The following TLE3 variants were observed in gnomAD, a reference collection of about 807,000 sequenced individuals.
TLE3 encodes TLE family member 3, transcriptional corepressor, also known as transducin-like enhancer protein 3.
Under a neutral mutation model 93.0 loss-of-function variants are expected in TLE3, and 14 were observed. The observed-to-expected ratio is 0.15, with a 90% CI of 0.10 to 0.24. The LOEUF (loss-of-function observed/expected upper bound fraction) is 0.24, where lower values mean the gene tolerates loss of function less well. Ranked by LOEUF, TLE3 falls within the 10% of genes least tolerant of loss-of-function variation. The pLI is 1.00. For synonymous variants in TLE3, 451 were observed against 425.0 expected (o/e 1.06, Z -0.75); for missense variants, 693 against 1,046.6 (o/e 0.66, Z 4.66).
chr15:70,080,041 C>T (rs1176084410), intron 4 of TLE3, among the ~76,000 whole-genome samples: 3 of 142,146 alleles, frequency 2.1e-5, no homozygotes, highest in Admixed American at 7.4e-5. Context: ...CAAACAAGCT[C>T]TAAACATCAG....
chr15:70,069,219 G>A (rs1178084120), intron 6 of TLE3, among the ~76,000 whole-genome samples: 1 of 152,182 alleles, frequency 6.6e-6, no homozygotes, highest in Non-Finnish European at 1.5e-5. Context: ...GGTATATGAA[G>A]AGGCTGAGAA....
At position 70,049,887 on chromosome 15, in the gene TLE3, C is replaced by T; in HGVS notation, c.*210G>A. 3.8e-6 allele frequency: 2 copies of T among 525,662 alleles called. No individual in the cohort carries two copies. Among genetic ancestry groups the T allele is most frequent in the South Asian group, 4.8e-5 (2 of 42,058 alleles). 32.6% of individuals were successfully genotyped at this position (525,662 alleles called of 1,614,324 possible). A position where few individuals can be genotyped will look rare whatever the true frequency, so the allele number is the denominator to read the frequency against. ...TCAGGGGGAGGAGGAGGAGCAGAAC[C>T]CTTCCGAGTCTGTGAGACACATCAA... On this transcript the variant is annotated 3_prime_UTR_variant, in exon 20 of 20. Coordinates refer to ENST00000451782, the MANE Select transcript of TLE3 (RefSeq NM_001105192.3).
At chr15:70,079,798 G>T (rs1391402560) in intron 4 of TLE3, among the ~76,000 whole-genome samples, 1 of 152,020 alleles carries the variant, frequency 6.6e-6, no homozygotes, top group East Asian at 1.9e-4. Flanking sequence ...CGCCATGTGT[G>T]CATCCACAAT....
chr15:70,093,757 G>A (rs926475486), intron 4 of TLE3, among the ~76,000 whole-genome samples: 1 of 152,190 alleles, frequency 6.6e-6, no homozygotes, highest in African/African-American at 2.4e-5. Flanking sequence ...ACTGTTATTA[G>A]AAGAGTGACA....
At chr15:70,065,205 T>C (rs1272192263) in intron 7 of TLE3, among the ~76,000 whole-genome samples, 4 of 152,232 alleles carry the variant, frequency 2.6e-5, no homozygotes, top group African/African-American at 9.6e-5. Flanking sequence ...TCAGAAGGTG[T>C]TGGCTACGTG....
intron 13 of TLE3, among the ~76,000 whole-genome samples, chr15:70,057,000 G>A (rs575395028): frequency 5.9e-5 from 9 of 152,292 alleles, no homozygotes; most frequent in South Asian, 2.1e-4. Flanking sequence ...TGATCCACCC[G>A]CCTTGGCCTC....
intron 4 of TLE3, among the ~76,000 whole-genome samples, chr15:70,080,309 C>T (rs572420999): frequency 2.0e-5 from 3 of 152,214 alleles, no homozygotes; most frequent in Non-Finnish European, 4.4e-5. Context: ...GGGAAGATGG[C>T]TCCCTTTGGA....
intron 4 of TLE3, among the ~76,000 whole-genome samples, chr15:70,082,821 G>T (rs1167945087): frequency 6.6e-6 from 1 of 152,208 alleles, no homozygotes; most frequent in Non-Finnish European, 1.5e-5. Context: ...AGGGCAGGGA[G>T]GAGGAAACAC....
At chr15:70,091,600 G>A (rs138346107) in intron 4 of TLE3, among the ~76,000 whole-genome samples, 1 of 152,218 alleles carries the variant, frequency 6.6e-6, no homozygotes, top group Non-Finnish European at 1.5e-5. Context: ...ATTAGGGAGG[G>A]AGGCAGAAGA....
Position 70,058,757 on chromosome 15 carries a change from T to C in TLE3, c.824A>G (p.Lys275Arg). Reference protein sequence around the residue: ...AHSPPENGLDKARSLKKDAPT... With the variant: ...AHSPPENGLDRARSLKKDAPT... ...GGCATCTTTTTTCAGGCTACGGGCC[T>C]TGTCCAGCCCATTTTCAGGAGGGGA... The change falls in exon 11 of 20, where the codon AAG becomes AGG. Residue 275 changes from lysine to arginine, a missense_variant. Around this residue, in one of 4 missense-constraint regions of TLE3, gnomAD observed 405 missense variants for 468.9 expected, o/e 0.86. Coordinates refer to ENST00000451782, the MANE Select transcript of TLE3 (RefSeq NM_001105192.3). This position sits in a 1 kb window ranked among gnomAD's most constrained non-coding sequence, Gnocchi z 4.1. The C allele has an allele frequency of 6.2e-7, 1 of 1,610,472 alleles. No individual in the cohort carries two copies. Among genetic ancestry groups the C allele is most frequent in the Non-Finnish European group, 8.5e-7 (1 of 1,178,494 alleles).
At position 70,048,911 on chromosome 15, in the gene TLE3, C is replaced by T. The variant is rs1006619270; in HGVS notation, c.*1186G>A. 1.3e-5 allele frequency: 2 copies of T among 152,098 alleles called. No individual in the cohort carries two copies. The highest frequency in any genetic ancestry group is 6.5e-5 in the Admixed American group (1 of 15,270). The allele number at this position is 152,098 out of a possible 1,614,324, so 9.4% of individuals were successfully genotyped here. On this transcript the variant is annotated 3_prime_UTR_variant, in exon 20 of 20. Transcript: ENST00000451782. ...AACCCTGTAGGTTTATACACTTTCCCCCCTCTAAGGGGAGAGGAAGAGACT... is the reference window on the plus strand; with the variant it reads ...AACCCTGTAGGTTTATACACTTTCCTCCCTCTAAGGGGAGAGGAAGAGACT...
At chr15:70,077,026 A>G (rs1482529262) in intron 4 of TLE3, among the ~76,000 whole-genome samples, 1 of 152,066 alleles carries the variant, frequency 6.6e-6, no homozygotes, top group African/African-American at 2.4e-5. Flanking sequence ...CCAACACTTC[A>G]TTTTTTAGGA....
Position 70,049,173 on chromosome 15 carries a change from G to A in TLE3, c.*924C>T, listed in dbSNP as rs990732948. 6.6e-6 allele frequency: 1 copy of A among 152,258 alleles called. No individual in the cohort carries two copies. The highest frequency in any genetic ancestry group is 1.5e-5 in the Non-Finnish European group (1 of 68,072). The allele number at this position is 152,258 out of a possible 1,614,324, so 9.4% of individuals were successfully genotyped here. On this transcript the variant is annotated 3_prime_UTR_variant, in exon 20 of 20. Transcript: ENST00000451782. ...TTCCATTGCTCACAACAATAACTAA[G>A]TGTGCACCAAAGAGAAAGACCAGGC... is the stretch of plus-strand genomic sequence containing the variant.
At chr15:70,087,250 C>G (rs1334991200) in intron 4 of TLE3, among the ~76,000 whole-genome samples, 1 of 152,188 alleles carries the variant, frequency 6.6e-6, no homozygotes, top group Non-Finnish European at 1.5e-5. Context: ...GCACAGGCCT[C>G]ACCTCCCCAA....
At chr15:70,079,243 C>T in intron 4 of TLE3, 2 of 379,578 alleles carry the variant, frequency 5.3e-6, no homozygotes, top group African/African-American at 2.3e-5. Context: ...GATGCAGAAC[C>T]TTCCACAAGC....
intron 7 of TLE3, among the ~76,000 whole-genome samples, chr15:70,064,852 G>T (rs2056714665): frequency 6.7e-6 from 1 of 149,266 alleles, no homozygotes; most frequent in African/African-American, 2.5e-5. Context: ...GCTTGAGAAG[G>T]ATCATGCCAT....
rs1363080419 is a variant in TLE3, at chr15:70,058,275, G to C, written c.935C>G (p.Thr312Ser). 1 of 1,610,254 alleles carries C rather than the reference G, an allele frequency of 6.2e-7. No individual in the cohort carries two copies. The highest frequency in any genetic ancestry group is 8.5e-7 in the Non-Finnish European group (1 of 1,178,014). The change falls in exon 12 of 20, where the codon ACC (threonine) becomes AGC (serine). Residue 312 changes from threonine to serine, a missense_variant. Coordinates refer to ENST00000451782, the MANE Select transcript of TLE3 (RefSeq NM_001105192.3). This position sits in a 1 kb window ranked among gnomAD's most constrained non-coding sequence, Gnocchi z 4.1. ...KDLGHNDKSS[T>S]PGLKSNTPTP... ...TGGTGTGTTGGACTTGAGCCCAGGG[G>C]TGGAGGATTTGTCGTTCTGAAGAGG...
At chr15:70,072,858 T>C (rs1351081417) in intron 6 of TLE3, among the ~76,000 whole-genome samples, 1 of 152,216 alleles carries the variant, frequency 6.6e-6, no homozygotes, top group Non-Finnish European at 1.5e-5. Context: ...AGGTTGACGA[T>C]CCCCGGGCTA....
rs1234653878 is a variant in TLE3 at position 70,049,232 on chromosome 15, GAC to G, written c.*863_*864del. ...AGAGAGGGAGAGACCAAGAAAGAGAGACACAGAGAGGGCAAGAGGCAGCCAGA... is the reference window on the plus strand; with the variant it reads ...AGAGAGGGAGAGACCAAGAAAGAGAGACAGAGAGGGCAAGAGGCAGCCAGA... On this transcript the variant is annotated 3_prime_UTR_variant, in exon 20 of 20. Transcript: ENST00000451782. 6.6e-6 allele frequency: 1 copy of G among 152,422 alleles called. No homozygotes were observed. The highest frequency in any genetic ancestry group is 1.5e-5 in the Non-Finnish European group (1 of 68,170). The allele number at this position is 152,422 out of a possible 1,614,324, so 9.4% of individuals were successfully genotyped here. A position where few individuals can be genotyped will look rare whatever the true frequency, so the allele number is the denominator to read the frequency against.
Sources: gnomAD v4.1 joint callset for allele counts (sites outside exome capture counted in the v4.1 genomes callset) on GRCh38, gnomAD v4.1.1 for gene constraint, gnomAD v4.1.1 regional missense constraint, Gnocchi (gnomAD v3.1) non-coding constraint, MANE v1.5 for transcripts, NCBI Gene and HGNC (gene_info 2026-07-23, HGNC 2026-07-21) for gene names.